GRIN2B: variants seen among roughly 807,000 people sequenced by gnomAD.
The protein encoded by GRIN2B is glutamate ionotropic receptor NMDA type subunit 2B, also known as glutamate receptor ionotropic, NMDA 2B.
A neutral mutation model predicts 114.5 loss-of-function variants in GRIN2B; 5 were observed. The ratio of observed to expected loss-of-function variants is 0.04; its 90% CI spans 0.02 to 0.09. The LOEUF is 0.09. Among genes scored for constraint, GRIN2B ranks in the 10% least tolerant of loss-of-function variants. The pLI, the probability that GRIN2B is intolerant of heterozygous loss-of-function variation, is 1.00. For synonymous variants in GRIN2B, 787 were observed against 745.1 expected (o/e 1.06, Z -0.92); for missense variants, 1,108 against 1,943.5 (o/e 0.57, Z 8.08).
chr12:13,909,228 ATG>A (rs1866592144), intron 2 of GRIN2B, among the ~76,000 whole-genome samples: 2 of 152,210 alleles, frequency 1.3e-5, no homozygotes, highest in Non-Finnish European at 2.9e-5. Context: ...TACTGCTTAC[ATG>A]TATAGAAGAT....
At chr12:13,733,033 T>G (rs1352951457) in intron 4 of GRIN2B, among the ~76,000 whole-genome samples, 3 of 152,096 alleles carry the variant, frequency 2.0e-5, no homozygotes, top group Non-Finnish European at 4.4e-5. Context: ...TAACCAGGAC[T>G]CTAGAGAACA....
intron 10 of GRIN2B, among the ~76,000 whole-genome samples, chr12:13,602,641 C>T (rs1949176380): frequency 6.6e-6 from 1 of 152,102 alleles, no homozygotes; most frequent in Non-Finnish European, 1.5e-5. Context: ...TACTTGCCTG[C>T]ATATTGATTT....
At chr12:13,872,872 C>T (rs1446750152) in intron 2 of GRIN2B, among the ~76,000 whole-genome samples, 1 of 152,040 alleles carries the variant, frequency 6.6e-6, no homozygotes, top group Non-Finnish European at 1.5e-5. Flanking sequence ...AAGACCCAAA[C>T]AATGTAACCA....
At chr12:13,656,193 CAAT>C (rs1458490161) in intron 5 of GRIN2B, among the ~76,000 whole-genome samples, 1 of 151,902 alleles carries the variant, frequency 6.6e-6, no homozygotes, top group African/African-American at 2.4e-5. Flanking sequence ...TTCCTGAATA[CAAT>C]AATAATTTCA....
intron 10 of GRIN2B, among the ~76,000 whole-genome samples, chr12:13,595,958 T>C (rs1303834508): frequency 6.6e-6 from 1 of 151,628 alleles, no homozygotes; most frequent in Non-Finnish European, 1.5e-5. Context: ...TTTGCAGGGA[T>C]GGGTGGGTGT....
At chr12:13,820,516 C>T (rs954337437) in intron 3 of GRIN2B, among the ~76,000 whole-genome samples, 1 of 152,206 alleles carries the variant, frequency 6.6e-6, no homozygotes, top group Admixed American at 6.5e-5. Flanking sequence ...TGACAGCACG[C>T]ATTGTTCACC....
At chr12:13,877,159 A>C (rs1238223148) in intron 2 of GRIN2B, among the ~76,000 whole-genome samples, 1 of 152,094 alleles carries the variant, frequency 6.6e-6, no homozygotes, top group Non-Finnish European at 1.5e-5. Context: ...AGCTCAAATT[A>C]GCCCTCTTTC....
intron 2 of GRIN2B, among the ~76,000 whole-genome samples, chr12:13,968,132 G>A (rs1407889750): frequency 2.0e-5 from 3 of 152,224 alleles, no homozygotes; most frequent in Non-Finnish European, 4.4e-5. Flanking sequence ...CAATGTCTAG[G>A]TGCCACTCTG....
At chr12:13,880,584 C>A (rs1254526172) in intron 2 of GRIN2B, among the ~76,000 whole-genome samples, 1 of 152,140 alleles carries the variant, frequency 6.6e-6, no homozygotes, top group African/African-American at 2.4e-5. Context: ...AAATTCCTTC[C>A]CTGCCTCCCA....
At chr12:13,669,805 T>C (rs1238856002) in intron 5 of GRIN2B, among the ~76,000 whole-genome samples, 1 of 152,098 alleles carries the variant, frequency 6.6e-6, no homozygotes, top group South Asian at 2.1e-4. Context: ...GTAATATCAA[T>C]AGAGGTAGTG....
chr12:13,766,020 T>A (rs147059470), intron 3 of GRIN2B, among the ~76,000 whole-genome samples: 58 of 152,320 alleles, frequency 3.8e-4, no homozygotes, highest in Admixed American at 9.1e-4. Flanking sequence ...TCCTTAAGCT[T>A]CAATCCCATG....
intron 2 of GRIN2B, among the ~76,000 whole-genome samples, chr12:13,967,171 T>C (rs560430687): frequency 2.2e-4 from 33 of 152,320 alleles, no homozygotes; most frequent in African/African-American, 7.9e-4. Context: ...CTGTGTCCTA[T>C]AGCTAATGAG....
intron 4 of GRIN2B, among the ~76,000 whole-genome samples, chr12:13,716,002 A>G (rs1950452167): frequency 6.6e-6 from 1 of 151,904 alleles, no homozygotes; most frequent in Non-Finnish European, 1.5e-5. Context: ...CCTGTCCTTC[A>G]TGATCTAAGT....
intron 4 of GRIN2B, among the ~76,000 whole-genome samples, chr12:13,730,883 GAC>G (rs1863076859): frequency 6.6e-6 from 1 of 152,164 alleles, no homozygotes; most frequent in Non-Finnish European, 1.5e-5. Flanking sequence ...CATTTGACAT[GAC>G]TAAACCCCTT....
chr12:13,775,125 A>G (rs1342127155), intron 3 of GRIN2B, among the ~76,000 whole-genome samples: 1 of 152,200 alleles, frequency 6.6e-6, no homozygotes, highest in African/African-American at 2.4e-5. Flanking sequence ...TAAAGCTTCA[A>G]TTAGGCTGTC....
chr12:13,874,793 G>A (rs1865970093), intron 2 of GRIN2B, among the ~76,000 whole-genome samples: 1 of 152,148 alleles, frequency 6.6e-6, no homozygotes, highest in Non-Finnish European at 1.5e-5. Flanking sequence ...CACAGGAGCA[G>A]GGCAGCAGGA....
chr12:13,575,263 C>T (rs150971150), intron 10 of GRIN2B, among the ~76,000 whole-genome samples: 24 of 152,204 alleles, frequency 1.6e-4, no homozygotes, highest in Admixed American at 5.2e-4. Context: ...AGATAAGCCA[C>T]CGACTGGGAA....
intron 2 of GRIN2B, among the ~76,000 whole-genome samples, chr12:13,888,818 C>T (rs1211412702): frequency 1.3e-5 from 2 of 150,716 alleles, no homozygotes; most frequent in Admixed American, 6.6e-5. Context: ...GTATAGGGCA[C>T]TTACCACGAA....
At chr12:13,971,632 C>T (rs1591647683) in intron 2 of GRIN2B, among the ~76,000 whole-genome samples, 1 of 152,178 alleles carries the variant, frequency 6.6e-6, no homozygotes, top group African/African-American at 2.4e-5. Context: ...TAGCCAGCCC[C>T]ATTTATTAAT....
Sources: allele counts gnomAD v4.1 joint callset (sites outside exome capture counted in the v4.1 genomes callset), GRCh38; gene constraint gnomAD v4.1.1; transcripts MANE v1.5; gene names NCBI Gene and HGNC (gene_info 2026-07-23, HGNC 2026-07-21).